ZMYND11: variants seen among roughly 807,000 people sequenced by gnomAD.
The protein encoded by ZMYND11 is zinc finger MYND-type containing 11.
A neutral mutation model predicts 84.9 loss-of-function variants in ZMYND11; 9 were observed. The ratio of observed to expected loss-of-function variants is 0.11; its 90% CI spans 0.06 to 0.18. The LOEUF (loss-of-function observed/expected upper bound fraction) is 0.18, where lower values mean the gene tolerates loss of function less well. Among genes scored for constraint, ZMYND11 ranks in the 10% least tolerant of loss-of-function variants. The pLI is 1.00. For synonymous variants in ZMYND11, 250 were observed against 244.1 expected, an observed-to-expected ratio of 1.02 and a Z score of -0.23; for missense variants, 409 against 761.0, an observed-to-expected ratio of 0.54 and a Z score of 5.44.
intron 3 of ZMYND11, among the ~76,000 whole-genome samples, chr10:211,243 GAAAA>G (rs529366320): frequency 2.1e-5 from 3 of 145,446 alleles, no homozygotes; most frequent in African/African-American, 5.1e-5. Context: ...TTCTTAAAAA[GAAAA>G]AAAAAATCTA....
chr10:244,035 TGAG>T (rs1239826291), intron 10 of ZMYND11, among the ~76,000 whole-genome samples: 1 of 152,152 alleles, frequency 6.6e-6, no homozygotes, highest in Non-Finnish European at 1.5e-5. Context: ...ATGGGACTCT[TGAG>T]GACTTTATTT....
rs555586470 is a variant in ZMYND11, at chr10:204,836, G to A, written c.117-5053G>A. On this transcript the variant is annotated intron_variant, in intron 2 of 14. Coordinates refer to ENST00000381604, the MANE Select transcript of ZMYND11 (RefSeq NM_001370100.5). ...ATATTAAATCTTCCTTCAATTCCTA[G>A]AATTAGTATATTATTTTGACATTGA... Among the ~76,000 whole-genome samples, 15 of 151,634 alleles carry A rather than the reference G, an allele frequency of 9.9e-5. No individual in the cohort carries two copies. In the East Asian group the frequency reaches 2.9e-3, roughly 29 times the overall value.
At chr10:248,675 C>A (rs1403601813) in intron 13 of ZMYND11, 67 bp downstream of exon 13, 17 of 1,519,592 alleles carry the variant, frequency 1.1e-5, no homozygotes, top group Non-Finnish European at 1.4e-5. Context: ...AGGCTCCTTT[C>A]ACTCATGCAT....
chr10:236,219 T>TTAGAAATAACATGCGTA (rs1949934748), intron 4 of ZMYND11, among the ~76,000 whole-genome samples: 1 of 152,228 alleles, frequency 6.6e-6, no homozygotes, highest in South Asian at 2.1e-4. Flanking sequence ...TCCTAGCTGT[T>TTAGAAATAACATGCGTA]TAGAAATAAC....
At chr10:188,330 T>TA (rs1289082194) in intron 2 of ZMYND11, among the ~76,000 whole-genome samples, 1 of 151,922 alleles carries the variant, frequency 6.6e-6, no homozygotes, top group Non-Finnish European at 1.5e-5. Context: ...TTCACACCTG[T>TA]AATCCCGGCA....
At chr10:223,339 T>A (rs1003153176) in intron 4 of ZMYND11, among the ~76,000 whole-genome samples, 2 of 152,158 alleles carry the variant, frequency 1.3e-5, no homozygotes, top group African/African-American at 4.8e-5. Flanking sequence ...GTGCCCAGTC[T>A]GTGTTTCCTC....
chr10:164,296 A>G (rs1209164374), intron 1 of ZMYND11, among the ~76,000 whole-genome samples: 3 of 152,106 alleles, frequency 2.0e-5, no homozygotes, highest in Non-Finnish European at 4.4e-5. Context: ...TTGCATGGCT[A>G]GCTCTCTTTC....
At chr10:239,994 G>A (rs1296305725) in intron 7 of ZMYND11, 62 bp from the exon 8 acceptor site, 1 of 1,412,554 alleles carries the variant, frequency 7.1e-7, no homozygotes, top group African/African-American at 1.4e-5. Context: ...GAAAAGGATA[G>A]TAACTTTGAG....
At chr10:137,758 A>G (rs372449893) in intron 1 of ZMYND11, among the ~76,000 whole-genome samples, 1 of 152,182 alleles carries the variant, frequency 6.6e-6, no homozygotes, top group Non-Finnish European at 1.5e-5. Context: ...CACAGGTTAC[A>G]TTATAGTTGT....
At chr10:205,611 G>C (rs1943978285) in intron 2 of ZMYND11, among the ~76,000 whole-genome samples, 1 of 152,028 alleles carries the variant, frequency 6.6e-6, no homozygotes, top group Admixed American at 6.6e-5. Context: ...GAGCACTTGA[G>C]GATGGGAGGT....
At chr10:171,216 A>G (rs1845235628) in intron 1 of ZMYND11, among the ~76,000 whole-genome samples, 3 of 152,166 alleles carry the variant, frequency 2.0e-5, no homozygotes, top group Admixed American at 6.6e-5. Flanking sequence ...TGAATCCACT[A>G]CTATAGTTGG....
At chr10:205,217 T>G (rs1943918496) in intron 2 of ZMYND11, among the ~76,000 whole-genome samples, 1 of 152,210 alleles carries the variant, frequency 6.6e-6, no homozygotes, top group East Asian at 1.9e-4. Context: ...GTTATTTATA[T>G]TTTCTTATAA....
chr10:248,669 TC>T (rs1952706074), intron 13 of ZMYND11, 61 bp downstream of exon 13: 4 of 1,526,988 alleles, frequency 2.6e-6, no homozygotes, highest in Non-Finnish European at 3.5e-6. Context: ...ATGGTTAGGC[TC>T]CTTTCACTCA....
chr10:174,852 C>T (rs904482303), intron 1 of ZMYND11, among the ~76,000 whole-genome samples: 1 of 150,734 alleles, frequency 6.6e-6, no homozygotes, highest in Non-Finnish European at 1.5e-5. Context: ...TGGTCAGAAC[C>T]CATGGGCACT....
intron 2 of ZMYND11, among the ~76,000 whole-genome samples, chr10:187,496 C>T (rs796865992): frequency 1.6e-4 from 25 of 151,806 alleles, no homozygotes; most frequent in East Asian, 1.4e-3. Context: ...TAGCCGGGCG[C>T]GGTGGCGGGC....
chr10:239,925 G>A lies in ZMYND11; in HGVS notation c.698-131G>A, dbSNP rs904502831. On this transcript the variant is annotated intron_variant, in intron 7 of 14. Coordinates refer to ENST00000381604, the MANE Select transcript of ZMYND11 (RefSeq NM_001370100.5). The stretch of plus-strand genomic sequence containing the variant: ...GCCTGTGTAATTTTATTTTGCTATC[G>A]TTATTTTAAATGGACATTTTGGTTT... The A allele has an allele frequency of 1.5e-5, 10 of 675,726 alleles. No homozygotes were observed. The Admixed American group carries it at 2.8e-4, about 19-fold the overall frequency. 41.9% of individuals were successfully genotyped at this position (675,726 alleles called of 1,614,324 possible).
At chr10:219,812 A>T (rs1277659228) in intron 3 of ZMYND11, among the ~76,000 whole-genome samples, 2 of 152,218 alleles carry the variant, frequency 1.3e-5, no homozygotes, top group African/African-American at 2.4e-5. Context: ...ATACATCTGT[A>T]GCAAATAACT....
intron 1 of ZMYND11, among the ~76,000 whole-genome samples, chr10:147,523 A>G (rs948422415): frequency 6.8e-6 from 1 of 146,788 alleles, no homozygotes; most frequent in Admixed American, 6.8e-5. Context: ...GCCTTTTTAA[A>G]TTTTTTTTTT....
At position 254,135 on chromosome 10, in the gene ZMYND11, G is replaced by T. The variant is rs995694532; in HGVS notation, c.*1665G>T. The T allele has an allele frequency of 6.6e-6, 1 of 152,576 alleles. No individual in the cohort carries two copies. The highest frequency in any genetic ancestry group is 1.5e-5 in the Non-Finnish European group (1 of 68,040). 9.5% of individuals were successfully genotyped at this position (152,576 alleles called of 1,614,324 possible). A position where few individuals can be genotyped will look rare whatever the true frequency, so the allele number is the denominator to read the frequency against. On this transcript the variant is annotated 3_prime_UTR_variant, in exon 15 of 15. Coordinates refer to ENST00000381604, the MANE Select transcript of ZMYND11 (RefSeq NM_001370100.5). ...TGGCGCTGATGGAGATGTCAGAACC[G>T]AGAACACTTAACCTTCTTTGATTGT... is the stretch of plus-strand genomic sequence containing the variant.
Sources: gnomAD v4.1 joint callset for allele counts (sites outside exome capture counted in the v4.1 genomes callset) on GRCh38, gnomAD v4.1.1 for gene constraint, MANE v1.5 for transcripts, NCBI Gene and HGNC (gene_info 2026-07-23, HGNC 2026-07-21) for gene names.